Variants in RBMS3 observed in about 807,000 individuals in gnomAD.
The protein encoded by RBMS3 is RNA binding motif single stranded interacting protein 3, also known as RNA-binding motif, single-stranded-interacting protein 3.
A neutral mutation model predicts 66.8 loss-of-function variants in RBMS3; 27 were observed. The ratio of observed to expected loss-of-function variants is 0.40; its 90% CI spans 0.30 to 0.56. The LOEUF is 0.56. RBMS3 is among the 20% of genes least tolerant of loss of function. The probability of loss-of-function intolerance (pLI) is 0.40; values close to 1 mark genes in which losing one functional copy is unlikely to be tolerated. For synonymous variants in RBMS3, 188 were observed against 183.0 expected, an observed-to-expected ratio of 1.03 and a Z score of -0.22; for missense variants, 513 against 549.5, an observed-to-expected ratio of 0.93 and a Z score of 0.66.
chr3:29,510,484 C>T (rs866629559), intron 3 of RBMS3, among the ~76,000 whole-genome samples: 1 of 152,098 alleles, frequency 6.6e-6, no homozygotes, highest in Non-Finnish European at 1.5e-5. Flanking sequence ...TTTTCTATTG[C>T]CTATGTCAAA....
chr3:29,853,423 CTTTTTTT>C (rs71091081), intron 6 of RBMS3, among the ~76,000 whole-genome samples: 1 of 84,542 alleles, frequency 1.2e-5, no homozygotes, highest in African/African-American at 5.4e-5. Flanking sequence ...AATTTACTTT[CTTTTTTT>C]TTTTTTTTTT....
chr3:29,777,908 T>C (rs1460805049), intron 6 of RBMS3, among the ~76,000 whole-genome samples: 2 of 151,912 alleles, frequency 1.3e-5, no homozygotes, highest in Admixed American at 6.6e-5. Flanking sequence ...TACATTGGGG[T>C]TGTAGTGGCC....
At chr3:29,518,821 T>C (rs1253292330) in intron 3 of RBMS3, among the ~76,000 whole-genome samples, 1 of 152,148 alleles carries the variant, frequency 6.6e-6, no homozygotes, top group Admixed American at 6.5e-5. Flanking sequence ...CCACTTCCCT[T>C]ATAAAGAATT....
intron 3 of RBMS3, among the ~76,000 whole-genome samples, chr3:29,562,064 A>G (rs1436678327): frequency 2.0e-5 from 3 of 152,156 alleles, no homozygotes; most frequent in Admixed American, 2.0e-4. Context: ...TTCTTTTTAA[A>G]CATGATTTAG....
chr3:29,399,938 A>G (rs1039998874), intron 1 of RBMS3, among the ~76,000 whole-genome samples: 1 of 152,110 alleles, frequency 6.6e-6, no homozygotes. Flanking sequence ...TGGTCAAGAG[A>G]TAAAAACTGT....
At chr3:29,824,339 C>CT (rs1172641591) in intron 6 of RBMS3, among the ~76,000 whole-genome samples, 2 of 152,118 alleles carry the variant, frequency 1.3e-5, no homozygotes, top group African/African-American at 4.8e-5. Flanking sequence ...TCATCAGACA[C>CT]TGAATCTGCT....
intron 3 of RBMS3, among the ~76,000 whole-genome samples, chr3:29,568,019 G>C (rs1457991449): frequency 2.0e-5 from 3 of 152,102 alleles, no homozygotes; most frequent in Admixed American, 1.3e-4. Flanking sequence ...CTCTGTGCTT[G>C]CTAACTTTAA....
At chr3:29,812,564 CAGG>C (rs757723574) in intron 6 of RBMS3, among the ~76,000 whole-genome samples, 9 of 152,188 alleles carry the variant, frequency 5.9e-5, no homozygotes, top group South Asian at 2.1e-4. Context: ...GTTGCAAAAG[CAGG>C]AGATTGCTGC....
chr3:29,384,146 T>C (rs148837422), intron 1 of RBMS3, among the ~76,000 whole-genome samples: 1,838 of 152,080 alleles, frequency 0.012, 41 homozygotes, highest in African/African-American at 0.041. Context: ...TGAAACAGCA[T>C]ATCTACAAAA....
chr3:29,384,263 C>A (rs2038901488), intron 1 of RBMS3, among the ~76,000 whole-genome samples: 1 of 152,020 alleles, frequency 6.6e-6, no homozygotes, highest in Non-Finnish European at 1.5e-5. Context: ...CTGCTGTGAG[C>A]CGTGATCGCA....
At chr3:29,747,065 A>C (rs1281309973) in intron 5 of RBMS3, among the ~76,000 whole-genome samples, 1 of 152,210 alleles carries the variant, frequency 6.6e-6, no homozygotes, top group African/African-American at 2.4e-5. Flanking sequence ...GGACTATTGG[A>C]GCATCCAGAA....
chr3:29,576,218 T>C (rs2047114610), intron 3 of RBMS3, among the ~76,000 whole-genome samples: 1 of 152,178 alleles, frequency 6.6e-6, no homozygotes, highest in Non-Finnish European at 1.5e-5. Flanking sequence ...TGCAGACTCA[T>C]AGAGGTACCA....
intron 4 of RBMS3, among the ~76,000 whole-genome samples, chr3:29,732,102 T>C (rs1233623903): frequency 6.6e-6 from 1 of 152,090 alleles, no homozygotes; most frequent in Non-Finnish European, 1.5e-5. Context: ...CTCTTTATTG[T>C]ATGAACTTGA....
At chr3:29,614,607 G>A (rs2048599031) in intron 4 of RBMS3, 1 of 152,092 alleles carries the variant, frequency 6.6e-6, no homozygotes, top group South Asian at 2.1e-4. Context: ...AATGGGAGAA[G>A]GATGGACTAT....
intron 4 of RBMS3, among the ~76,000 whole-genome samples, chr3:29,622,431 T>C (rs1214049294): frequency 6.6e-6 from 1 of 152,200 alleles, no homozygotes; most frequent in Non-Finnish European, 1.5e-5. Context: ...GGGCAATTAG[T>C]TTTTATAATA....
chr3:29,309,587 A>T (rs1011044787), intron 1 of RBMS3, among the ~76,000 whole-genome samples: 4 of 151,416 alleles, frequency 2.6e-5, no homozygotes. Flanking sequence ...TGAAAGATAG[A>T]ATCCTAGGGA....
At chr3:29,337,328 C>G (rs573556087) in intron 1 of RBMS3, among the ~76,000 whole-genome samples, 2 of 151,840 alleles carry the variant, frequency 1.3e-5, no homozygotes, top group Non-Finnish European at 2.9e-5. Flanking sequence ...CTATATGGCC[C>G]TAGTAATCTG....
chr3:29,765,272 C>T (rs564558355), intron 6 of RBMS3, among the ~76,000 whole-genome samples: 5 of 151,994 alleles, frequency 3.3e-5, no homozygotes, highest in African/African-American at 1.2e-4. Flanking sequence ...GTCCTCATTA[C>T]TTATTACCTG....
intron 2 of RBMS3, among the ~76,000 whole-genome samples, chr3:29,454,802 T>A (rs1409292106): frequency 6.6e-6 from 1 of 152,230 alleles, no homozygotes; most frequent in African/African-American, 2.4e-5. Context: ...GCCCAACATA[T>A]AAAACAACCC....
Sources: allele counts gnomAD v4.1 joint callset (sites outside exome capture counted in the v4.1 genomes callset), GRCh38; gene constraint gnomAD v4.1.1; transcripts MANE v1.5; gene names NCBI Gene and HGNC (gene_info 2026-07-23, HGNC 2026-07-21).